The following DLGAP4 variants were observed in gnomAD, a reference collection of about 807,000 sequenced individuals.
DLGAP4 encodes disks large-associated protein 4.
A neutral mutation model predicts 86.9 loss-of-function variants in DLGAP4; 18 were observed. That is an observed-to-expected ratio of 0.21 (90% CI 0.14 to 0.31). The LOEUF (loss-of-function observed/expected upper bound fraction) is 0.31, where lower values mean the gene tolerates loss of function less well. Ranked by LOEUF, DLGAP4 falls within the 10% of genes least tolerant of loss-of-function variation. The pLI, the probability that DLGAP4 is intolerant of heterozygous loss-of-function variation, is 1.00. For missense variants in DLGAP4, 1,085 were observed against 1,362.6 expected (o/e 0.80, Z 3.21); for synonymous variants, 548 against 574.3 (o/e 0.95, Z 0.65).
chr20:36,395,544 G>A (rs951611040), intron 2 of DLGAP4, among the ~76,000 whole-genome samples: 2 of 152,014 alleles, frequency 1.3e-5, no homozygotes, highest in African/African-American at 4.8e-5. Context: ...TGTCACCCAG[G>A]CTGGAGTGCA....
intron 2 of DLGAP4, among the ~76,000 whole-genome samples, chr20:36,411,461 G>C (rs545265388): frequency 1.3e-5 from 2 of 152,130 alleles, no homozygotes; most frequent in Non-Finnish European, 2.9e-5. Context: ...AGCAGTCCAT[G>C]GGGTGCTGGG....
At chr20:36,356,574 G>T (rs1328171373) in intron 1 of DLGAP4, among the ~76,000 whole-genome samples, 2 of 151,672 alleles carry the variant, frequency 1.3e-5, no homozygotes, top group Non-Finnish European at 2.9e-5. Context: ...GCCTCCCAAA[G>T]TGCTGGGATT....
At chr20:36,353,540 C>A (rs528916668) in intron 1 of DLGAP4, among the ~76,000 whole-genome samples, 3 of 152,332 alleles carry the variant, frequency 2.0e-5, no homozygotes, top group African/African-American at 7.2e-5. Flanking sequence ...AGGGCAGAAG[C>A]ATTTCTTGTA....
At chr20:36,424,742 T>G (rs539995550) in intron 2 of DLGAP4, among the ~76,000 whole-genome samples, 109 of 149,932 alleles carry the variant, frequency 7.3e-4, no homozygotes, top group East Asian at 1.7e-3. Flanking sequence ...TTGTTTGTTT[T>G]TTTTTTTTTT....
At chr20:36,525,784 G>A (rs946597248) in intron 11 of DLGAP4, 67 bp from the exon 12 acceptor site, 2 of 1,590,826 alleles carry the variant, frequency 1.3e-6, no homozygotes, top group Non-Finnish European at 1.7e-6. Context: ...CCTGCTTGTT[G>A]GGGGGTTGGG....
intron 7 of DLGAP4, among the ~76,000 whole-genome samples, chr20:36,493,865 G>A (rs760644975): frequency 3.9e-5 from 6 of 152,270 alleles, no homozygotes; most frequent in South Asian, 2.1e-4. Context: ...TTAGAAAGCC[G>A]CAAAGCTGCT....
At chr20:36,394,593 C>T (rs1167305100) in intron 2 of DLGAP4, among the ~76,000 whole-genome samples, 2 of 152,154 alleles carry the variant, frequency 1.3e-5, no homozygotes, top group Non-Finnish European at 2.9e-5. Context: ...TGCGCACGAG[C>T]CTCCGTGAGT....
chr20:36,523,282 A>G (rs1447787309), intron 10 of DLGAP4, among the ~76,000 whole-genome samples: 1 of 152,212 alleles, frequency 6.6e-6, no homozygotes, highest in Admixed American at 6.5e-5. Context: ...GGCATGAGCC[A>G]CTATGCCCGG....
intron 2 of DLGAP4, among the ~76,000 whole-genome samples, chr20:36,400,757 TG>T (rs1173811201): frequency 9.0e-6 from 1 of 111,148 alleles, no homozygotes; most frequent in Non-Finnish European, 1.9e-5. Context: ...CACTCTGGAG[TG>T]GGGGGAATCT....
chr20:36,338,527 G>A (rs1014544642), intron 1 of DLGAP4, among the ~76,000 whole-genome samples: 5 of 152,156 alleles, frequency 3.3e-5, no homozygotes, highest in Admixed American at 6.5e-5. Flanking sequence ...AGCTGAGATC[G>A]TGTCATTGCA....
intron 7 of DLGAP4, among the ~76,000 whole-genome samples, chr20:36,463,591 C>A (rs2034199491): frequency 6.6e-6 from 1 of 152,200 alleles, no homozygotes; most frequent in African/African-American, 2.4e-5. Flanking sequence ...CTTTGTTAGT[C>A]CGTTTGTAAA....
intron 1 of DLGAP4, among the ~76,000 whole-genome samples, chr20:36,360,855 G>T (rs1420672072): frequency 1.3e-5 from 2 of 151,954 alleles, no homozygotes; most frequent in South Asian, 2.1e-4. Flanking sequence ...GGCAGGGTGG[G>T]TTTAGGGGAG....
At chr20:36,470,861 C>T (rs1016768540) in intron 7 of DLGAP4, among the ~76,000 whole-genome samples, 4 of 152,232 alleles carry the variant, frequency 2.6e-5, no homozygotes, top group Non-Finnish European at 5.9e-5. Flanking sequence ...GGATAGACCA[C>T]CAGTTGTTTG....
chr20:36,419,888 G>A lies in DLGAP4; in HGVS notation c.-72-11758G>A, dbSNP rs1048322633. On this transcript the variant is annotated intron_variant, in intron 2 of 12. Transcript: ENST00000339266. Reference sequence around the variant, plus strand: ...GGTCAACCCTGCACATGTTAAGGGAGAGGGGTGTACACAAGGATGGGACTT... The same window carrying A: ...GGTCAACCCTGCACATGTTAAGGGAAAGGGGTGTACACAAGGATGGGACTT... 5.3e-5 allele frequency among the ~76,000 whole-genome samples: 8 copies of A among 152,246 alleles called. No individual in the cohort carries two copies. In the South Asian group the frequency reaches 1.2e-3, roughly 24 times the overall value.
At position 36,525,167 on chromosome 20, in the gene DLGAP4, G is replaced by A. The variant is rs111532117; in HGVS notation, c.2605-684G>A. 1.0e-2 allele frequency among the ~76,000 whole-genome samples: 1,291 copies of A among 129,610 alleles called. 25 individuals are homozygous for A. Among genetic ancestry groups the A allele is most frequent in the African/African-American group, 0.035 (1,228 of 35,006 alleles). 85.0% of individuals were successfully genotyped at this position (129,610 alleles called of 152,430 possible). A position where few individuals can be genotyped will look rare whatever the true frequency, so the allele number is the denominator to read the frequency against. ...CGGGAGGTGGAACTTGCAGTGAGCC[G>A]AGATCGCGTCACTGCATCCAGCCTG... On this transcript the variant is annotated intron_variant, in intron 11 of 12. Transcript: ENST00000339266.
chr20:36,339,639 C>T (rs2065357284), intron 1 of DLGAP4, among the ~76,000 whole-genome samples: 1 of 152,222 alleles, frequency 6.6e-6, no homozygotes, highest in Non-Finnish European at 1.5e-5. Context: ...TGAGCCATGG[C>T]GCCCAACCCA....
intron 1 of DLGAP4, among the ~76,000 whole-genome samples, chr20:36,323,073 G>A (rs1259245139): frequency 6.6e-6 from 1 of 150,932 alleles, no homozygotes; most frequent in Non-Finnish European, 1.5e-5. Context: ...TACTCAGGAG[G>A]AGGCTGAGGT....
At chr20:36,312,345 G>A (rs1175615181) in intron 1 of DLGAP4, among the ~76,000 whole-genome samples, 1 of 151,596 alleles carries the variant, frequency 6.6e-6, no homozygotes, top group African/African-American at 2.4e-5. Flanking sequence ...ACATGCACAC[G>A]CACACACACA....
chr20:36,362,173 T>G (rs2030544435), intron 1 of DLGAP4, among the ~76,000 whole-genome samples: 1 of 151,632 alleles, frequency 6.6e-6, no homozygotes, highest in South Asian at 2.1e-4. Flanking sequence ...GGCACAAGAA[T>G]TGCTTGAAAC....
Sources: gnomAD v4.1 joint callset for allele counts (sites outside exome capture counted in the v4.1 genomes callset) on GRCh38, gnomAD v4.1.1 for gene constraint, MANE v1.5 for transcripts, NCBI Gene and HGNC (gene_info 2026-07-23, HGNC 2026-07-21) for gene names.